ASNS: variants seen among roughly 807,000 people sequenced by gnomAD.
ASNS encodes the protein asparagine synthetase [glutamine-hydrolyzing].
Under a neutral mutation model 62.6 loss-of-function variants are expected in ASNS, and 37 were observed. That is an observed-to-expected ratio of 0.59 (90% CI 0.45 to 0.78). The LOEUF (loss-of-function observed/expected upper bound fraction) is 0.78. ASNS is among the 30% of genes least tolerant of loss of function. The pLI is 0.00. For synonymous variants in ASNS, 207 were observed against 237.9 expected (o/e 0.87, Z 1.19); for missense variants, 520 against 682.4 (o/e 0.76, Z 2.65).
chr7:97,877,459 C>T (rs1441776049), upstream of ASNS, among the ~76,000 whole-genome samples: 4 of 152,186 alleles, frequency 2.6e-5, no homozygotes, highest in Non-Finnish European at 4.4e-5. Flanking sequence ...CTTAAAACAC[C>T]ATCCAGTTAT....
chr7:97,855,914 G>C (rs1275914135), intron 8 of ASNS, among the ~76,000 whole-genome samples: 3 of 152,140 alleles, frequency 2.0e-5, no homozygotes, highest in Admixed American at 1.3e-4. Flanking sequence ...GACTATATAA[G>C]TTATTAAACT....
Position 97,872,354 on chromosome 7 carries a change from G to C in ASNS, c.-63C>G, listed in dbSNP as rs2115789213. ...CGGGGCGCAGGACCCGGCTCACCTG[G>C]GCGTAAGCAGGTCAGGGTGATGTGG... On this transcript the variant is annotated 5_prime_UTR_variant, in exon 1 of 13. Coordinates refer to ENST00000394308, the MANE Select transcript of ASNS (RefSeq NM_001673.5). The C allele has an allele frequency of 6.7e-6, 1 of 149,058 alleles. No homozygotes were observed. The highest frequency in any genetic ancestry group is 2.1e-4 in the South Asian group (1 of 4,654). 9.2% of individuals were successfully genotyped at this position (149,058 alleles called of 1,614,324 possible). A position where few individuals can be genotyped will look rare whatever the true frequency, so the allele number is the denominator to read the frequency against.
At chr7:97,928,341 G>C in the ASNS span, 3 of 1,217,328 alleles carry the variant, frequency 2.5e-6, no homozygotes, top group Non-Finnish European at 2.3e-6. Flanking sequence ...AGAAGGACCC[G>C]GCGCAAGCGG....
chr7:97,858,285 G>A lies in ASNS; in HGVS notation c.896C>T (p.Ala299Val), dbSNP rs1447226285. ...ACAGAGACAGCACCTTACCTTTCTA[G>A]CAGCCAGTAAATCGGGGCTGTCTTC... Reference protein sequence around the residue: ...GMEDSPDLLAARKVADHIGSE... With the variant: ...GMEDSPDLLAVRKVADHIGSE... Residue 299 changes from alanine to valine, a missense_variant, in exon 7 of 13, where the codon GCT becomes GTT. Physicochemically the swap from Ala to Val is moderately conservative, Grantham distance 64. Coordinates refer to ENST00000394308, the MANE Select transcript of ASNS (RefSeq NM_001673.5). 6.2e-7 allele frequency: 1 copy of A among 1,612,864 alleles called. No homozygotes were observed. The highest frequency in any genetic ancestry group is 8.5e-7 in the Non-Finnish European group (1 of 1,179,956).
chr7:97,918,931 A>G, the ASNS span, among the ~76,000 whole-genome samples: 1 of 152,182 alleles, frequency 6.6e-6, no homozygotes, highest in Admixed American at 6.5e-5. Flanking sequence ...GTATCTCAGA[A>G]CGTAGAATAA....
the ASNS span, among the ~76,000 whole-genome samples, chr7:97,894,294 T>C: frequency 1.6e-4 from 25 of 151,726 alleles, no homozygotes; most frequent in African/African-American, 5.6e-4. Context: ...AACGACCTAA[T>C]GATGCACCTC....
upstream of ASNS, among the ~76,000 whole-genome samples, chr7:97,875,787 T>A (rs1386054905): frequency 6.6e-6 from 1 of 152,184 alleles, no homozygotes; most frequent in African/African-American, 2.4e-5. Context: ...CAGTTACTTA[T>A]TTGTGTTTTG....
Position 97,869,044 on chromosome 7 carries a change from T to C in ASNS, c.113A>G (p.Asn38Ser), listed in dbSNP as rs571231860. Residue 38 changes from asparagine to serine, a missense_variant, in exon 3 of 13, where the codon AAT becomes AGT. By Grantham distance (46) the Asn-to-Ser change is conservative. Transcript: ENST00000394308. ...GPDAFRFENV[N>S]GYTNCCFGFH... ...TCCAAAGCAGCAGTTGGTGTATCCATTGACATTCTCAAAACGGAATGCATC... is the reference window on the plus strand; with the variant it reads ...TCCAAAGCAGCAGTTGGTGTATCCACTGACATTCTCAAAACGGAATGCATC... The C allele has an allele frequency of 2.5e-5, 40 of 1,614,228 alleles. No homozygotes were observed. The highest frequency in any genetic ancestry group is 4.5e-5 in the East Asian group (2 of 44,882).
intron 9 of ASNS, 196 bp from the exon 10 acceptor site, chr7:97,854,876 A>C: frequency 1.1e-6 from 1 of 894,288 alleles, no homozygotes; most frequent in Non-Finnish European, 1.7e-6. Flanking sequence ...TATTAGAATA[A>C]AATGAACACA....
the ASNS span, among the ~76,000 whole-genome samples, chr7:97,878,680 G>T: frequency 3.9e-5 from 6 of 152,260 alleles, no homozygotes; most frequent in South Asian, 1.2e-3. Flanking sequence ...CATGCTCATG[G>T]GTAGGAAGAA....
At chr7:97,889,942 A>AAAAAAAAAAAAAC in the ASNS span, among the ~76,000 whole-genome samples, 1 of 149,674 alleles carries the variant, frequency 6.7e-6, no homozygotes, top group African/African-American at 2.4e-5. Context: ...AAAAAAAAAA[A>AAAAAAAAAAAAAC]AAAAAAAAAC....
chr7:97,920,862 C>T, the ASNS span, among the ~76,000 whole-genome samples: 1 of 152,254 alleles, frequency 6.6e-6, no homozygotes, highest in South Asian at 2.1e-4. Flanking sequence ...CTTGTGCTTG[C>T]AGAAACCATT....
At chr7:97,864,056 A>C in intron 4 of ASNS, 1 of 527,980 alleles carries the variant, frequency 1.9e-6, no homozygotes, top group Non-Finnish European at 3.3e-6. Flanking sequence ...CGACTGCACT[A>C]AAGAATCATC....
At chr7:97,878,487 T>C in the ASNS span, among the ~76,000 whole-genome samples, 1 of 152,142 alleles carries the variant, frequency 6.6e-6, no homozygotes, top group African/African-American at 2.4e-5. Context: ...ATCACAAGCA[T>C]TCGTATACAC....
In ASNS at chr7:97,864,473, T is replaced by C; in HGVS notation, c.273A>G (p.Glu91=). 5 of 1,613,830 alleles carry C rather than the reference T, an allele frequency of 3.1e-6. No homozygotes were observed. Among genetic ancestry groups the C allele is most frequent in the Non-Finnish European group, 3.4e-6 (4 of 1,179,802 alleles). ...TCTCACCATCCACTTTGGTCTGGTATTCAAATTCAAAATGCTGTTGCATCT... is the reference window on the plus strand; with the variant it reads ...TCTCACCATCCACTTTGGTCTGGTACTCAAATTCAAAATGCTGTTGCATCT... The part of the protein sequence containing the change: ...HKKMQQHFEF[E]YQTKVDGEII... Residue 91 remains glutamate (E), a synonymous_variant, in exon 4 of 13, where the codon GAA becomes GAG. Transcript: ENST00000394308.
At chr7:97,865,001 T>C (rs1791897529) in intron 3 of ASNS, among the ~76,000 whole-genome samples, 1 of 152,206 alleles carries the variant, frequency 6.6e-6, no homozygotes, top group African/African-American at 2.4e-5. Flanking sequence ...TTTTATATAA[T>C]ATTTCAAATA....
Position 97,858,728 on chromosome 7 carries a change from A to G in ASNS, c.775+126T>C, listed in dbSNP as rs1488347525. On this transcript the variant is annotated intron_variant, in intron 6 of 12. Transcript: ENST00000394308. ...ATACAGCTTATAAAAAATCATTTCC[A>G]TCCTATAATGAAGGAAAGAGTAAAT... 2.6e-5 allele frequency: 24 copies of G among 940,950 alleles called. No individual in the cohort carries two copies. In the East Asian group the frequency reaches 3.8e-4, roughly 15 times the overall value. 58.3% of individuals were successfully genotyped at this position (940,950 alleles called of 1,614,324 possible).
At chr7:97,858,661 G>C (rs1267717491) in intron 6 of ASNS, among the ~76,000 whole-genome samples, 193 bp downstream of exon 6, 1 of 152,114 alleles carries the variant, frequency 6.6e-6, no homozygotes, top group Non-Finnish European at 1.5e-5. Context: ...CAATAACATA[G>C]CTATAGTGTA....
At chr7:97,911,468 C>A in the ASNS span, among the ~76,000 whole-genome samples, 407 of 148,854 alleles carry the variant, frequency 2.7e-3, 2 homozygotes, top group African/African-American at 9.4e-3. Context: ...ATGGTGAAAC[C>A]TCATCTCTAC....
Sources: gnomAD v4.1 joint callset for allele counts (sites outside exome capture counted in the v4.1 genomes callset) on GRCh38, gnomAD v4.1.1 for gene constraint, MANE v1.5 for transcripts, NCBI Gene and HGNC (gene_info 2026-07-23, HGNC 2026-07-21) for gene names.